SNTG1: variants seen among roughly 807,000 people sequenced by gnomAD.
SNTG1 encodes syntrophin gamma 1.
Under a neutral mutation model 74.7 loss-of-function variants are expected in SNTG1, and 39 were observed. The ratio of observed to expected loss-of-function variants is 0.52; its 90% CI spans 0.40 to 0.68. The LOEUF is 0.68. SNTG1 is among the 30% of genes least tolerant of loss of function. SNTG1 has a pLI of 0.00. For synonymous variants in SNTG1, 254 were observed against 217.1 expected (o/e 1.17, Z -1.49); for missense variants, 685 against 609.5 (o/e 1.12, Z -1.30).
chr8:50,695,697 C>G (rs2095402450), intron 15 of SNTG1, among the ~76,000 whole-genome samples: 1 of 151,764 alleles, frequency 6.6e-6, no homozygotes, highest in East Asian at 1.9e-4. Flanking sequence ...TTGTTTACTT[C>G]CCATTATAAG....
intron 18 of SNTG1, among the ~76,000 whole-genome samples, chr8:50,760,854 C>G (rs2095596655): frequency 6.6e-6 from 1 of 151,874 alleles, no homozygotes; most frequent in Non-Finnish European, 1.5e-5. Context: ...AGACCAATAA[C>G]AAGTTCTGAA....
intron 13 of SNTG1, among the ~76,000 whole-genome samples, chr8:50,644,664 G>A (rs942333496): frequency 1.3e-5 from 2 of 152,106 alleles, no homozygotes; most frequent in Admixed American, 6.6e-5. Flanking sequence ...TAACTGTGGT[G>A]TGGTAGTGGT....
intron 1 of SNTG1, among the ~76,000 whole-genome samples, chr8:50,013,884 C>T (rs765602996): frequency 5.9e-5 from 9 of 152,070 alleles, no homozygotes; most frequent in Non-Finnish European, 1.2e-4. Context: ...TTGGAGAAAA[C>T]ATTGCAGAAT....
At chr8:50,129,441 A>G (rs756615703) in intron 1 of SNTG1, among the ~76,000 whole-genome samples, 2 of 152,120 alleles carry the variant, frequency 1.3e-5, no homozygotes, top group Non-Finnish European at 2.9e-5. Flanking sequence ...GAGGACCCCA[A>G]ATATAATTCA....
At chr8:50,568,117 T>C (rs1307766865) in intron 12 of SNTG1, among the ~76,000 whole-genome samples, 4 of 152,140 alleles carry the variant, frequency 2.6e-5, no homozygotes, top group African/African-American at 9.7e-5. Context: ...TCTGTCTTTC[T>C]ATGCCTGGCT....
intron 8 of SNTG1, among the ~76,000 whole-genome samples, chr8:50,467,376 C>T (rs1285465679): frequency 1.3e-5 from 2 of 151,700 alleles, no homozygotes; most frequent in Non-Finnish European, 3.0e-5. Context: ...TCTATTTCTT[C>T]TTGCGGAAAT....
intron 1 of SNTG1, among the ~76,000 whole-genome samples, chr8:50,037,085 C>A (rs1411081075): frequency 6.6e-6 from 1 of 152,194 alleles, no homozygotes; most frequent in Non-Finnish European, 1.5e-5. Context: ...TCCTTCCTCC[C>A]TTCCTAATTA....
At chr8:50,740,072 CA>C (rs2095539300) in intron 17 of SNTG1, among the ~76,000 whole-genome samples, 1 of 152,032 alleles carries the variant, frequency 6.6e-6, no homozygotes, top group Non-Finnish European at 1.5e-5. Context: ...GCAAAGATTT[CA>C]TGATGAAGAT....
rs749052514 is a variant in SNTG1 at position 50,794,285 on chromosome 8, A to G, written c.*1456A>G. 81 of 151,866 alleles carry G rather than the reference A, an allele frequency of 5.3e-4. No homozygotes were observed. Among genetic ancestry groups the G allele is most frequent in the Admixed American group, 1.4e-3 (22 of 15,194 alleles). 9.4% of individuals were successfully genotyped at this position (151,866 alleles called of 1,614,324 possible). A position where few individuals can be genotyped will look rare whatever the true frequency, so the allele number is the denominator to read the frequency against. The stretch of plus-strand genomic sequence containing the variant: ...GGAAACAAAGTGATTTCTATAAAGG[A>G]CAGATTTACTAATTTAAAAAATTAA... On this transcript the variant is annotated 3_prime_UTR_variant, in exon 19 of 19. Coordinates refer to ENST00000642720, the MANE Select transcript of SNTG1 (RefSeq NM_018967.5).
At chr8:49,970,434 G>A (rs1049917622) in intron 1 of SNTG1, among the ~76,000 whole-genome samples, 2 of 152,256 alleles carry the variant, frequency 1.3e-5, no homozygotes, top group East Asian at 3.9e-4. Flanking sequence ...CTAGCATTTA[G>A]TGACCCTGTC....
rs987099481 is a variant in SNTG1, at chr8:50,218,346, T to G, written c.-28+45711T>G. On this transcript the variant is annotated intron_variant, in intron 2 of 18. Coordinates refer to ENST00000642720, the MANE Select transcript of SNTG1 (RefSeq NM_018967.5). ...TTGTAAAAATTTAAGAAAAAAAATT[T>G]AAATGCTCACAAAGAAAAGAATTCA... 4.6e-5 allele frequency among the ~76,000 whole-genome samples: 7 copies of G among 152,252 alleles called. No homozygotes were observed. The East Asian group carries it at 1.3e-3, about 29-fold the overall frequency.
chr8:50,722,456 G>A (rs377566269), intron 17 of SNTG1, among the ~76,000 whole-genome samples: 9 of 152,070 alleles, frequency 5.9e-5, no homozygotes, highest in East Asian at 5.8e-4. Context: ...GATTACAGGC[G>A]TGAACCACCA....
At chr8:49,972,679 A>T (rs1202553575) in intron 1 of SNTG1, among the ~76,000 whole-genome samples, 1 of 151,382 alleles carries the variant, frequency 6.6e-6, no homozygotes, top group Non-Finnish European at 1.5e-5. Context: ...AGAAAAAAAA[A>T]CAACCCCATC....
intron 8 of SNTG1, among the ~76,000 whole-genome samples, chr8:50,483,788 G>A: frequency 6.6e-6 from 1 of 152,132 alleles, no homozygotes; most frequent in Non-Finnish European, 1.5e-5. Context: ...GGGTGTGATA[G>A]GGGTTAGCTT....
At chr8:50,379,424 C>T (rs2092444794) in intron 2 of SNTG1, among the ~76,000 whole-genome samples, 1 of 152,118 alleles carries the variant, frequency 6.6e-6, no homozygotes, top group African/African-American at 2.4e-5. Context: ...GATGGGGGGT[C>T]AGGGGCAGGG....
chr8:50,402,414 G>A, intron 4 of SNTG1, 70 bp downstream of exon 4: 2 of 1,493,570 alleles, frequency 1.3e-6, no homozygotes, highest in Non-Finnish European at 1.8e-6. Flanking sequence ...TTATTCACAG[G>A]GCATTTTAAA....
intron 8 of SNTG1, among the ~76,000 whole-genome samples, chr8:50,467,325 T>A (rs1179884175): frequency 6.6e-6 from 1 of 151,932 alleles, no homozygotes; most frequent in Non-Finnish European, 1.5e-5. Context: ...TTATTATTTA[T>A]TCGTTAAATA....
intron 18 of SNTG1, among the ~76,000 whole-genome samples, chr8:50,775,207 C>T (rs2095637355): frequency 6.6e-6 from 1 of 151,332 alleles, no homozygotes; most frequent in South Asian, 2.1e-4. Context: ...AATGATTTAG[C>T]TATATGATGT....
At chr8:50,381,552 T>C (rs2131229209) in intron 2 of SNTG1, among the ~76,000 whole-genome samples, 1 of 129,478 alleles carries the variant, frequency 7.7e-6, no homozygotes, top group Admixed American at 8.3e-5. Flanking sequence ...ACAGAACTAA[T>C]AGGATATGTG....
Sources: allele counts gnomAD v4.1 joint callset (sites outside exome capture counted in the v4.1 genomes callset), GRCh38; gene constraint gnomAD v4.1.1; transcripts MANE v1.5; gene names NCBI Gene and HGNC (gene_info 2026-07-23, HGNC 2026-07-21).